FBXO17: variants seen among roughly 807,000 people sequenced by gnomAD.
The protein encoded by FBXO17 is F-box only protein 17.
Under a neutral mutation model 34.1 loss-of-function variants are expected in FBXO17, and 43 were observed. That is an observed-to-expected ratio of 1.26 (90% confidence interval 0.99 to 1.62). The LOEUF (loss-of-function observed/expected upper bound fraction) is 1.62, where lower values mean the gene tolerates loss of function less well. FBXO17 is among the 40% of genes most tolerant of loss of function. The pLI, the probability that FBXO17 is intolerant of heterozygous loss-of-function variation, is 0.00. For synonymous variants in FBXO17, 169 were observed against 166.0 expected, an observed-to-expected ratio of 1.02 and a Z score of -0.14; for missense variants, 424 against 386.7, an observed-to-expected ratio of 1.10 and a Z score of -0.81.
intron 1 of FBXO17, among the ~76,000 whole-genome samples, chr19:38,958,383 G>A (rs1975197851): frequency 7.8e-6 from 1 of 128,584 alleles, no homozygotes; most frequent in African/African-American, 2.8e-5. Context: ...ACTCTAGCCT[G>A]GGCAACAAGA....
intron 1 of FBXO17, among the ~76,000 whole-genome samples, chr19:38,971,200 G>A (rs572187355): frequency 2.2e-4 from 34 of 152,092 alleles, no homozygotes; most frequent in African/African-American, 7.2e-4. Context: ...TGCCCCTCAC[G>A]GTTGTAGGGA....
intron 1 of FBXO17, among the ~76,000 whole-genome samples, chr19:38,954,119 A>C (rs1005270492): frequency 6.6e-5 from 10 of 152,056 alleles, no homozygotes; most frequent in African/African-American, 2.4e-4. Context: ...CACAGACTTG[A>C]AATTAGCCTG....
At position 38,948,612 on chromosome 19, in the gene FBXO17, G is replaced by C. The variant is rs756635089; in HGVS notation, c.416C>G (p.Pro139Arg). 6 of 1,614,012 alleles carry C rather than the reference G, an allele frequency of 3.7e-6. No individual in the cohort carries two copies. In the Admixed American group the frequency reaches 6.7e-5, roughly 18 times the overall value. Residue 139 changes from proline (P) to arginine (R), a missense_variant, in exon 3 of 6, where the codon CCG (proline) becomes CGG (arginine). Physicochemically the swap from Pro to Arg is moderately radical, Grantham distance 103. Coordinates refer to ENST00000292852, the MANE Select transcript of FBXO17 (RefSeq NM_024907.7). ...NGWAIEKNLT[P>R]VPGAPSQTCF... ...GGTCTGCGAAGGAGCCCCAGGCACC[G>C]GTGTTAGGTTCTTTTCTATGGCCCA...
At chr19:38,963,736 G>T (rs1256760237) in intron 1 of FBXO17, among the ~76,000 whole-genome samples, 1 of 151,962 alleles carries the variant, frequency 6.6e-6, no homozygotes, top group African/African-American at 2.4e-5. Flanking sequence ...TTATGAATAA[G>T]GCTGCTATGA....
intron 1 of FBXO17, among the ~76,000 whole-genome samples, chr19:38,974,535 C>T (rs1465703085): frequency 1.3e-5 from 2 of 151,876 alleles, no homozygotes; most frequent in South Asian, 2.1e-4. Context: ...AAGTAATGTC[C>T]TGACTATACA....
At position 38,942,604 on chromosome 19, in the gene FBXO17, G is replaced by A; in HGVS notation, c.*4C>T. ...ACTGACAACGTCAGGCAGTAGTCCAGTCGCTAGGACAGACGGATCCTGACC... is the reference window on the plus strand; with the variant it reads ...ACTGACAACGTCAGGCAGTAGTCCAATCGCTAGGACAGACGGATCCTGACC... On this transcript the variant is annotated 3_prime_UTR_variant, in exon 6 of 6. Coordinates refer to ENST00000292852, the MANE Select transcript of FBXO17 (RefSeq NM_024907.7). The A allele has an allele frequency of 6.4e-7, 1 of 1,552,074 alleles. No homozygotes were observed. The highest frequency in any genetic ancestry group is 8.7e-7 in the Non-Finnish European group (1 of 1,155,294).
intron 2 of FBXO17, 41 bp downstream of exon 2, chr19:38,949,930 C>CG (rs1568439484): frequency 1.4e-6 from 2 of 1,455,058 alleles, no homozygotes; most frequent in African/African-American, 2.9e-5. Context: ...CTCGCTCGCG[C>CG]GGCCCCCCTC....
intron 1 of FBXO17, among the ~76,000 whole-genome samples, chr19:38,955,538 C>T (rs1175804104): frequency 1.4e-5 from 2 of 146,896 alleles, no homozygotes; most frequent in Non-Finnish European, 3.0e-5. Context: ...GACTGGAGTG[C>T]AGTGGCACAA....
At chr19:38,951,830 A>T (rs200682979) in intron 1 of FBXO17, among the ~76,000 whole-genome samples, 1 of 12,536 alleles carries the variant, frequency 8.0e-5, no homozygotes, top group East Asian at 0.12. Flanking sequence ...TTGTATCTTT[A>T]AGGAGAGACA....
intron 1 of FBXO17, among the ~76,000 whole-genome samples, chr19:38,959,715 A>C (rs1011089892): frequency 2.2e-4 from 33 of 151,684 alleles, no homozygotes; most frequent in African/African-American, 6.8e-4. Flanking sequence ...ACACAGTGAA[A>C]CCCCATCTCT....
intron 1 of FBXO17, among the ~76,000 whole-genome samples, chr19:38,967,877 A>G (rs1369233421): frequency 6.6e-6 from 1 of 152,116 alleles, no homozygotes; most frequent in African/African-American, 2.4e-5. Context: ...GGAAATGCCA[A>G]TTAAATTCAC....
chr19:38,942,277 T>C lies in FBXO17; in HGVS notation c.*331A>G, dbSNP rs1600184901. On this transcript the variant is annotated 3_prime_UTR_variant, in exon 6 of 6. Coordinates refer to ENST00000292852, the MANE Select transcript of FBXO17 (RefSeq NM_024907.7). ...AAGCTGGTCTTTTTTTTTTTTTTTT[T>C]CATTGATATAGGGTCTTGCTTTCTC... The C allele has an allele frequency of 6.6e-6, 1 of 151,888 alleles. No homozygotes were observed. Among genetic ancestry groups the C allele is most frequent in the Non-Finnish European group, 1.4e-5 (1 of 71,224 alleles). 9.4% of individuals were successfully genotyped at this position (151,888 alleles called of 1,614,324 possible). A position where few individuals can be genotyped will look rare whatever the true frequency, so the allele number is the denominator to read the frequency against.
At chr19:38,957,732 A>G (rs546762298) in intron 1 of FBXO17, among the ~76,000 whole-genome samples, 471 of 152,296 alleles carry the variant, frequency 3.1e-3, no homozygotes, top group Non-Finnish European at 5.3e-3. Context: ...AAGGGCAGCC[A>G]GACTTCACCA....
At chr19:38,944,934 G>A (rs763386451) in intron 5 of FBXO17, 35 bp downstream of exon 5, 19 of 1,611,624 alleles carry the variant, frequency 1.2e-5, no homozygotes, top group South Asian at 9.9e-5. Context: ...TGCCTTTAGC[G>A]GGTCGGGGGG....
At chr19:38,964,845 C>T (rs1300644773) in intron 1 of FBXO17, among the ~76,000 whole-genome samples, 1 of 152,062 alleles carries the variant, frequency 6.6e-6, no homozygotes, top group Admixed American at 6.6e-5. Context: ...TGAGTAAAGC[C>T]CTCCCCATCT....
chr19:38,952,819 C>G (rs1225269582), intron 1 of FBXO17: 1 of 457,360 alleles, frequency 2.2e-6, no homozygotes, highest in East Asian at 6.9e-5. Context: ...CTCTTCAGAA[C>G]CTCAATCTCA....
At chr19:38,951,868 CGAACTCCA>C (rs1568440615) in intron 1 of FBXO17, among the ~76,000 whole-genome samples, 4 of 151,770 alleles carry the variant, frequency 2.6e-5, no homozygotes, top group African/African-American at 9.7e-5. Flanking sequence ...ATGCTAGTCT[CGAACTCCA>C]GACCTCAGGT....
At chr19:38,962,815 C>G (rs926089985) in intron 1 of FBXO17, among the ~76,000 whole-genome samples, 4 of 151,734 alleles carry the variant, frequency 2.6e-5, no homozygotes, top group African/African-American at 9.7e-5. Context: ...CTCCTGGGTT[C>G]AAACTATTCT....
chr19:38,953,858 C>T (rs984362235), intron 1 of FBXO17, among the ~76,000 whole-genome samples: 3 of 151,614 alleles, frequency 2.0e-5, no homozygotes, highest in Non-Finnish European at 4.4e-5. Flanking sequence ...AGCAGGAGAA[C>T]GGGTGTGGGC....
Sources: allele counts gnomAD v4.1 joint callset (sites outside exome capture counted in the v4.1 genomes callset), GRCh38; gene constraint gnomAD v4.1.1; transcripts MANE v1.5; gene names NCBI Gene and HGNC (gene_info 2026-07-23, HGNC 2026-07-21).